Variants in MICAL2 observed in about 807,000 individuals in gnomAD.
MICAL2 encodes the protein [F-actin]-monooxygenase MICAL2.
A neutral mutation model predicts 127.3 loss-of-function variants in MICAL2; 77 were observed. The ratio of observed to expected loss-of-function variants is 0.60; its 90% CI spans 0.50 to 0.73. MICAL2 has a LOEUF of 0.73. Among genes scored for constraint, MICAL2 ranks in the 30% least tolerant of loss-of-function variants. The pLI, the probability that MICAL2 is intolerant of heterozygous loss-of-function variation, is 0.00. For missense variants in MICAL2, 1,351 were observed against 1,434.4 expected (o/e 0.94, Z 0.94); for synonymous variants, 570 against 551.1 (o/e 1.03, Z -0.48).
At chr11:12,212,477 AAAAAC>A (rs879701150) in intron 6 of MICAL2, among the ~76,000 whole-genome samples, 24 of 152,328 alleles carry the variant, frequency 1.6e-4, no homozygotes, top group Admixed American at 5.9e-4. Context: ...ACCCTGTCTG[AAAAAC>A]AAAACAAAAC....
chr11:12,238,830 T>G (rs1187647976), intron 16 of MICAL2, among the ~76,000 whole-genome samples: 1 of 152,236 alleles, frequency 6.6e-6, no homozygotes, highest in Non-Finnish European at 1.5e-5. Context: ...GTGCTATCTT[T>G]GCAACTTTTG....
At chr11:12,321,656 T>TGC (rs1298818306) in intron 30 of MICAL2, among the ~76,000 whole-genome samples, 1 of 112,592 alleles carries the variant, frequency 8.9e-6, no homozygotes, top group Non-Finnish European at 2.0e-5. Context: ...AGGCTGTGTG[T>TGC]TTATTAATGA....
At chr11:12,351,665 G>A (rs1250283985) in intron 33 of MICAL2, among the ~76,000 whole-genome samples, 1 of 152,194 alleles carries the variant, frequency 6.6e-6, no homozygotes, top group Non-Finnish European at 1.5e-5. Context: ...GGGTGAGAGT[G>A]AGGAAGGGTA....
At chr11:12,149,204 C>T (rs777513121) in intron 2 of MICAL2, among the ~76,000 whole-genome samples, 5 of 151,912 alleles carry the variant, frequency 3.3e-5, no homozygotes, top group Admixed American at 6.6e-5. Flanking sequence ...TGGAGTTTAT[C>T]GGGAAATTAC....
rs1483429344 is a variant in MICAL2 at position 12,256,856 on chromosome 11, G to T, written c.3027G>T (p.Val1009=). ...SDTCYFCKKR[V]YVMERLSAEG... ...CGTGTTACTTCTGTAAGAAACGTGT[G>T]TACGTGATGGAACGGCTGAGCGCCG... Residue 1009 remains valine, a synonymous_variant, in exon 24 of 28, where the codon GTG becomes GTT. Coordinates refer to ENST00000683283, the MANE Select transcript of MICAL2 (RefSeq NM_001282663.2). The T allele has an allele frequency of 6.2e-7, 1 of 1,614,218 alleles. No homozygotes were observed. Among genetic ancestry groups the T allele is most frequent in the Non-Finnish European group, 8.5e-7 (1 of 1,180,016 alleles).
In MICAL2 at chr11:12,220,417, C is replaced by T; in HGVS notation, c.1165C>T (p.His389Tyr). 6.2e-7 allele frequency: 1 copy of T among 1,612,752 alleles called. No homozygotes were observed. The highest frequency in any genetic ancestry group is 1.7e-4 in the Middle Eastern group (1 of 5,808). ...NAALVRERQA[H>Y]QLLVALVGDS... ...GGCCCTGGTGCGGGAGCGGCAGGCG[C>T]ACCAGCTGCTCGTGGCCCTTGTGGG... Residue 389 changes from histidine to tyrosine, a missense_variant, in exon 9 of 28, where the codon CAC becomes TAC. Transcript: ENST00000683283.
downstream of MICAL2, among the ~76,000 whole-genome samples, chr11:12,361,289 T>C (rs1479339287): frequency 6.6e-6 from 1 of 152,220 alleles, no homozygotes; most frequent in Admixed American, 6.5e-5. Flanking sequence ...TATTGGTCTA[T>C]TTATTTAACA....
intron 1 of MICAL2, among the ~76,000 whole-genome samples, chr11:12,131,730 T>C (rs962937556): frequency 5.3e-5 from 8 of 152,170 alleles, no homozygotes; most frequent in Non-Finnish European, 1.2e-4. Flanking sequence ...GGCAGTTGCA[T>C]GGAGGCTGGG....
chr11:12,124,875 G>A (rs1236986468), intron 1 of MICAL2, among the ~76,000 whole-genome samples: 1 of 152,080 alleles, frequency 6.6e-6, no homozygotes, highest in Non-Finnish European at 1.5e-5. Flanking sequence ...TCCCCTTCTT[G>A]GTCTTTTGCT....
chr11:12,184,379 C>T (rs1461013626), intron 3 of MICAL2, among the ~76,000 whole-genome samples: 1 of 152,148 alleles, frequency 6.6e-6, no homozygotes, highest in Admixed American at 6.5e-5. Context: ...ATCTGTGTCC[C>T]AAGAGAGGGC....
chr11:12,118,583 C>G (rs1433677880), intron 1 of MICAL2, among the ~76,000 whole-genome samples: 1 of 152,152 alleles, frequency 6.6e-6, no homozygotes, highest in African/African-American at 2.4e-5. Flanking sequence ...TTAGGAGTCC[C>G]CTTGTGTTCG....
At chr11:12,343,314 A>G (rs964428465) in intron 32 of MICAL2, among the ~76,000 whole-genome samples, 2 of 148,982 alleles carry the variant, frequency 1.3e-5, no homozygotes, top group Non-Finnish European at 3.0e-5. Flanking sequence ...AGGCTGAGGC[A>G]GGAGAATTGC....
At chr11:12,341,521 C>A (rs923342277) in intron 32 of MICAL2, among the ~76,000 whole-genome samples, 11 of 151,978 alleles carry the variant, frequency 7.2e-5, no homozygotes, top group African/African-American at 2.4e-4. Flanking sequence ...TTCTCTACTA[C>A]TATCTATTCC....
Position 12,155,526 on chromosome 11 carries a change from A to G in MICAL2, c.-77-6553A>G, listed in dbSNP as rs544755216. ...TACACATACGCATATACACACATTC[A>G]TACATATATACACATATGCACACAC... On this transcript the variant is annotated intron_variant, in intron 2 of 27. Transcript: ENST00000683283. Among the ~76,000 whole-genome samples, 3 of 152,262 alleles carry G rather than the reference A, an allele frequency of 2.0e-5. No individual in the cohort carries two copies. In the South Asian group the frequency reaches 6.2e-4, roughly 32 times the overall value.
intron 1 of MICAL2, chr11:12,116,740 T>C (rs1463777548): frequency 1.3e-5 from 2 of 152,214 alleles, no homozygotes; most frequent in African/African-American, 2.4e-5. Context: ...GGGGTCTGAT[T>C]TGGAGATGCT....
Position 12,242,228 on chromosome 11 carries a change from C to G in MICAL2, c.2352C>G (p.Val784=). 7 of 1,607,434 alleles carry G rather than the reference C, an allele frequency of 4.4e-6. No individual in the cohort carries two copies. The highest frequency in any genetic ancestry group is 6.0e-6 in the Non-Finnish European group (7 of 1,174,802). ...CTCTTTCCCAGTTCCCCTCTGTGGT[C>G]GTGACGGGGCACGTGCTCAGAGAGC... The part of the protein sequence containing the change: ...PPLKRQFPSV[V]VTGHVLRELK... Residue 784 remains valine, a synonymous_variant, in exon 19 of 28, where the codon GTC becomes GTG. Coordinates refer to ENST00000683283, the MANE Select transcript of MICAL2 (RefSeq NM_001282663.2).
chr11:12,192,349 G>A (rs1859302989), intron 3 of MICAL2, among the ~76,000 whole-genome samples: 1 of 152,152 alleles, frequency 6.6e-6, no homozygotes. Context: ...CCCCAACAGA[G>A]GCAGTGTGTC....
At chr11:12,126,187 G>T (rs868665075) in intron 1 of MICAL2, among the ~76,000 whole-genome samples, 1 of 152,246 alleles carries the variant, frequency 6.6e-6, no homozygotes, top group Non-Finnish European at 1.5e-5. Context: ...TTTAGTGATA[G>T]CTGGTGCTCA....
At chr11:12,194,506 A>G (rs568289924) in intron 3 of MICAL2, among the ~76,000 whole-genome samples, 6 of 152,284 alleles carry the variant, frequency 3.9e-5, no homozygotes, top group South Asian at 2.1e-4. Context: ...ATGTTATATT[A>G]TTTATATATT....
Sources: allele counts gnomAD v4.1 joint callset (sites outside exome capture counted in the v4.1 genomes callset), GRCh38; gene constraint gnomAD v4.1.1; transcripts MANE v1.5; gene names NCBI Gene and HGNC (gene_info 2026-07-23, HGNC 2026-07-21).